Variants in CHIC1 observed in about 807,000 individuals in gnomAD.
The protein encoded by CHIC1 is cysteine rich hydrophobic domain 1.
A neutral mutation model predicts 18.5 loss-of-function variants in CHIC1; 7 were observed. The observed-to-expected ratio is 0.38, with a 90% CI of 0.22 to 0.71. CHIC1 has a LOEUF of 0.71. Among genes scored for constraint, CHIC1 ranks in the 30% least tolerant of loss-of-function variants. The probability of loss-of-function intolerance (pLI) is 0.49; values close to 1 mark genes in which losing one functional copy is unlikely to be tolerated. For missense variants in CHIC1, 159 were observed against 176.9 expected (o/e 0.90, Z 0.57); for synonymous variants, 77 against 73.5 (o/e 1.05, Z -0.25).
chrX:73,672,355 C>A lies in CHIC1; in HGVS notation c.508-6971C>A, dbSNP rs1044546805. 2.7e-5 allele frequency among the ~76,000 whole-genome samples: 3 copies of A among 111,564 alleles called. No individual in the cohort carries two copies. The Admixed American group carries it at 2.8e-4, about 11-fold the overall frequency. On this transcript the variant is annotated intron_variant, in intron 3 of 5. Coordinates refer to ENST00000373502, the MANE Select transcript of CHIC1 (RefSeq NM_001039840.4). ...TGAGGAATCGCCACACTGACTTCCACAATGGTTGAACTAGTTTACAGTCCC... is the reference window on the plus strand; with the variant it reads ...TGAGGAATCGCCACACTGACTTCCAAAATGGTTGAACTAGTTTACAGTCCC...
At chrX:73,650,701 C>CAAA (rs139432536) in intron 3 of CHIC1, among the ~76,000 whole-genome samples, 2 of 64,819 alleles carry the variant, frequency 3.1e-5, no homozygotes, top group African/African-American at 1.1e-4. Flanking sequence ...GCCTACCAAC[C>CAAA]AAAAAAAAAA....
chrX:73,626,755 G>A (rs1318122477), intron 3 of CHIC1, among the ~76,000 whole-genome samples: 1 of 110,975 alleles, frequency 9.0e-6, no homozygotes, highest in African/African-American at 3.3e-5. Flanking sequence ...TTAAATGTCT[G>A]TTTGAAGGAT....
chrX:73,579,823 A>G (rs904159548), intron 2 of CHIC1, among the ~76,000 whole-genome samples: 1 of 110,854 alleles, frequency 9.0e-6, no homozygotes, highest in African/African-American at 3.3e-5. Context: ...TCAAATGAAT[A>G]AAGTAGCTAT....
At chrX:73,591,197 G>C (rs2057580065) in intron 3 of CHIC1, among the ~76,000 whole-genome samples, 2 of 111,017 alleles carry the variant, frequency 1.8e-5, no homozygotes, top group Admixed American at 1.9e-4. Flanking sequence ...ACGATATTGA[G>C]CAGCTTTTTA....
Position 73,648,098 on chromosome X carries a change from C to T in CHIC1, c.508-31228C>T, listed in dbSNP as rs2057897796. Among the ~76,000 whole-genome samples the T allele has an allele frequency of 3.6e-5, 4 of 111,623 alleles. No homozygotes were observed. In the South Asian group the frequency reaches 1.5e-3, roughly 42 times the overall value. On this transcript the variant is annotated intron_variant, in intron 3 of 5. Transcript: ENST00000373502. Reference sequence around the variant, plus strand: ...CCTGAAGTGAACCCCCAGCAAACCACAGCAGCTGTAGAGAAGAGGGACCTG... The same window carrying T: ...CCTGAAGTGAACCCCCAGCAAACCATAGCAGCTGTAGAGAAGAGGGACCTG...
At chrX:73,674,173 G>T (rs1310894434) in intron 3 of CHIC1, among the ~76,000 whole-genome samples, 3 of 111,182 alleles carry the variant, frequency 2.7e-5, no homozygotes, top group Non-Finnish European at 5.7e-5. Context: ...GAGGATTTTT[G>T]CATCGATGTT....
chrX:73,655,584 CAT>C (rs1205891030), intron 3 of CHIC1, among the ~76,000 whole-genome samples: 1 of 85,041 alleles, frequency 1.2e-5, no homozygotes, highest in Non-Finnish European at 2.2e-5. Flanking sequence ...CATATATATA[CAT>C]ATATATACAA....
intron 3 of CHIC1, among the ~76,000 whole-genome samples, chrX:73,629,991 A>G (rs2057800030): frequency 8.9e-6 from 1 of 111,834 alleles, no homozygotes; most frequent in African/African-American, 3.2e-5. Context: ...ATACTTCACT[A>G]TACAAATATT....
intron 3 of CHIC1, among the ~76,000 whole-genome samples, chrX:73,594,619 A>G (rs1212958950): frequency 8.9e-6 from 1 of 112,134 alleles, no homozygotes; most frequent in Non-Finnish European, 1.9e-5. Flanking sequence ...TTGTATTTCA[A>G]TGCATATGCA....
intron 3 of CHIC1, among the ~76,000 whole-genome samples, chrX:73,621,089 T>C (rs766306842): frequency 6.2e-5 from 7 of 112,026 alleles, no homozygotes; most frequent in Middle Eastern, 4.6e-3. Flanking sequence ...CCATGCTGTT[T>C]TGGTTACTGT....
intron 3 of CHIC1, among the ~76,000 whole-genome samples, chrX:73,651,799 C>T (rs1215302168): frequency 9.0e-6 from 1 of 111,532 alleles, no homozygotes; most frequent in African/African-American, 3.3e-5. Context: ...ATATCATGAA[C>T]ATGGCCGTAC....
At chrX:73,667,069 C>T (rs1226861936) in intron 3 of CHIC1, among the ~76,000 whole-genome samples, 1 of 111,945 alleles carries the variant, frequency 8.9e-6, no homozygotes, top group Non-Finnish European at 1.9e-5. Flanking sequence ...GTAGTTAGCT[C>T]TTCTTGTTGA....
At chrX:73,638,523 T>C (rs1248486052) in intron 3 of CHIC1, among the ~76,000 whole-genome samples, 5 of 111,365 alleles carry the variant, frequency 4.5e-5, no homozygotes, top group Non-Finnish European at 9.4e-5. Context: ...AAGATGTCTT[T>C]TCTTTAAAAA....
At chrX:73,661,623 C>T (rs970159980) in intron 3 of CHIC1, among the ~76,000 whole-genome samples, 1 of 111,693 alleles carries the variant, frequency 9.0e-6, no homozygotes, top group African/African-American at 3.3e-5. Flanking sequence ...ATTGATCTAG[C>T]AGTTGCTGAA....
intron 3 of CHIC1, among the ~76,000 whole-genome samples, chrX:73,671,760 CT>C (rs1311587555): frequency 5.8e-4 from 58 of 100,413 alleles, no homozygotes; most frequent in Middle Eastern, 5.0e-3. Flanking sequence ...TGTGCTTGTT[CT>C]TTTTTTTTTA....
chrX:73,639,305 C>T (rs1025439973), intron 3 of CHIC1, among the ~76,000 whole-genome samples: 1 of 111,640 alleles, frequency 9.0e-6, no homozygotes, highest in African/African-American at 3.3e-5. Context: ...TGTTGCTTGG[C>T]CACGTTTATG....
At chrX:73,572,476 C>A (rs186321038) in intron 1 of CHIC1, among the ~76,000 whole-genome samples, 112 of 110,903 alleles carry the variant, frequency 1.0e-3, no homozygotes, top group Non-Finnish European at 1.8e-3. Flanking sequence ...TGGGTATATA[C>A]CCAGTAATGG....
At chrX:73,618,371 G>A in intron 3 of CHIC1, among the ~76,000 whole-genome samples, 1 of 111,439 alleles carries the variant, frequency 9.0e-6, no homozygotes, top group East Asian at 2.8e-4. Context: ...TGCTACCAGA[G>A]TGGGTAGAGA....
Position 73,601,661 on chromosome X carries a change from A to C in CHIC1, c.507+17089A>C, listed in dbSNP as rs1469362806. On this transcript the variant is annotated intron_variant, in intron 3 of 5. Coordinates refer to ENST00000373502, the MANE Select transcript of CHIC1 (RefSeq NM_001039840.4). ...TCACAATTAAAAGAACTAGAAAAGC[A>C]AGAGCAAACACATTCAAAAGCTAGC... is the stretch of plus-strand genomic sequence containing the variant. Among the ~76,000 whole-genome samples, 20 of 102,847 alleles carry C rather than the reference A, an allele frequency of 1.9e-4. 1 individual carries two copies. Among genetic ancestry groups the C allele is most frequent in the Admixed American group, 3.1e-4 (3 of 9,573 alleles). 89.3% of individuals were successfully genotyped at this position (102,847 alleles called of 115,157 possible).
Sources: gnomAD v4.1 joint callset for allele counts (sites outside exome capture counted in the v4.1 genomes callset) on GRCh38, gnomAD v4.1.1 for gene constraint, MANE v1.5 for transcripts, NCBI Gene and HGNC (gene_info 2026-07-23, HGNC 2026-07-21) for gene names.